HSD17B4: variants seen among roughly 807,000 people sequenced by gnomAD.
HSD17B4 encodes the protein hydroxysteroid 17-beta dehydrogenase 4.
A neutral mutation model predicts 101.0 loss-of-function variants in HSD17B4; 70 were observed. The ratio of observed to expected loss-of-function variants is 0.69; its 90% CI spans 0.57 to 0.85. The LOEUF is 0.85. HSD17B4 is among the 40% of genes least tolerant of loss of function. The probability of loss-of-function intolerance (pLI) is 0.00; values close to 1 mark genes in which losing one functional copy is unlikely to be tolerated. For missense variants in HSD17B4, 984 were observed against 892.4 expected, an observed-to-expected ratio of 1.10 and a Z score of -1.31; for synonymous variants, 347 against 297.1, an observed-to-expected ratio of 1.17 and a Z score of -1.73.
Position 119,525,803 on chromosome 5 carries a change from G to A in HSD17B4, c.1574-114G>A, listed in dbSNP as rs924610034. The A allele has an allele frequency of 9.6e-6, 7 of 731,334 alleles. No homozygotes were observed. The South Asian group carries it at 1.0e-4, about 11-fold the overall frequency. The allele number at this position is 731,334 out of a possible 1,614,324, so 45.3% of individuals were successfully genotyped here. A position where few individuals can be genotyped will look rare whatever the true frequency, so the allele number is the denominator to read the frequency against. ...TCTACTGTGTTTCTTAAAATAGATG[G>A]TATAATTCCTGCTAATGCAGTCTAA... On this transcript the variant is annotated intron_variant, in intron 18 of 23. Coordinates refer to ENST00000510025, the MANE Select transcript of HSD17B4 (RefSeq NM_000414.4).
intron 16 of HSD17B4, among the ~76,000 whole-genome samples, chr5:119,511,382 G>T (rs1433230131): frequency 6.6e-6 from 1 of 152,188 alleles, no homozygotes; most frequent in Non-Finnish European, 1.5e-5. Context: ...ACCAGGGAAA[G>T]AGATAGCTAA....
At chr5:119,503,676 C>T (rs1751394734) in intron 14 of HSD17B4, among the ~76,000 whole-genome samples, 2 of 151,614 alleles carry the variant, frequency 1.3e-5, no homozygotes, top group South Asian at 4.2e-4. Flanking sequence ...GGCTGACTTA[C>T]CCTAATCATG....
chr5:119,479,622 C>T (rs1561446194), intron 8 of HSD17B4, among the ~76,000 whole-genome samples: 2 of 152,168 alleles, frequency 1.3e-5, no homozygotes. Flanking sequence ...CCCTGTGCTT[C>T]ACCTGTTTGT....
chr5:119,477,663 G>C, intron 7 of HSD17B4, 162 bp downstream of exon 7: 1 of 642,062 alleles, frequency 1.6e-6, no homozygotes, highest in South Asian at 1.8e-5. Context: ...CATTAAATTG[G>C]TATAATTTAG....
At chr5:119,512,688 C>T (rs1191674109) in intron 16 of HSD17B4, among the ~76,000 whole-genome samples, 1 of 152,166 alleles carries the variant, frequency 6.6e-6, no homozygotes, top group Non-Finnish European at 1.5e-5. Context: ...TGTTAGCAGT[C>T]TTGCCTTATA....
chr5:119,510,720 C>T (rs999724396), intron 16 of HSD17B4, among the ~76,000 whole-genome samples: 1 of 152,202 alleles, frequency 6.6e-6, no homozygotes, highest in African/African-American at 2.4e-5. Context: ...GACTGTGTGG[C>T]ATTTGAGTCA....
intron 22 of HSD17B4, among the ~76,000 whole-genome samples, chr5:119,535,341 T>A (rs1482977919): frequency 6.6e-6 from 1 of 152,000 alleles, no homozygotes; most frequent in African/African-American, 2.4e-5. Flanking sequence ...TATTATTCAT[T>A]ACTAAAATGA....
intron 2 of HSD17B4, among the ~76,000 whole-genome samples, chr5:119,457,632 C>G (rs1754805866): frequency 6.6e-6 from 1 of 151,672 alleles, no homozygotes. Flanking sequence ...ATGTTGAGGC[C>G]TAAAGACACA....
At chr5:119,530,209 A>G in intron 21 of HSD17B4, 1 of 477,138 alleles carries the variant, frequency 2.1e-6, no homozygotes, top group South Asian at 2.9e-5. Flanking sequence ...TTTCAAGAGA[A>G]CATAATTTTC....
At chr5:119,520,699 A>G (rs552554831) in intron 17 of HSD17B4, among the ~76,000 whole-genome samples, 3 of 151,926 alleles carry the variant, frequency 2.0e-5, no homozygotes, top group East Asian at 1.9e-4. Context: ...TTTTCTTTAT[A>G]ATTTTTCTAG....
intron 15 of HSD17B4, among the ~76,000 whole-genome samples, chr5:119,507,512 G>A (rs995048440): frequency 2.6e-5 from 4 of 152,060 alleles, no homozygotes; most frequent in South Asian, 2.1e-4. Context: ...CGCTGGGTGC[G>A]GTGGCTCACG....
intron 17 of HSD17B4, among the ~76,000 whole-genome samples, chr5:119,523,864 G>C (rs542754245): frequency 6.6e-6 from 1 of 152,060 alleles, no homozygotes; most frequent in South Asian, 2.1e-4. Context: ...AGCAATTGAG[G>C]CTTCGAATGG....
At chr5:119,509,528 A>G in intron 16 of HSD17B4, 1 of 510,538 alleles carries the variant, frequency 2.0e-6, no homozygotes, top group Non-Finnish European at 3.6e-6. Context: ...GTTTTTCATG[A>G]CATTTTATTT....
chr5:119,508,645 T>C (rs1378266649), intron 15 of HSD17B4, among the ~76,000 whole-genome samples: 3 of 152,232 alleles, frequency 2.0e-5, no homozygotes, highest in Admixed American at 6.5e-5. Flanking sequence ...GGTGCCTTTT[T>C]TTCTGTACAG....
At chr5:119,516,699 A>G (rs1476365155) in intron 17 of HSD17B4, among the ~76,000 whole-genome samples, 2 of 152,218 alleles carry the variant, frequency 1.3e-5, no homozygotes, top group Non-Finnish European at 2.9e-5. Flanking sequence ...TTTGTGGGAC[A>G]TTTGAAATTG....
chr5:119,525,357 C>G, intron 18 of HSD17B4, 72 bp downstream of exon 18: 1 of 927,824 alleles, frequency 1.1e-6, no homozygotes, highest in South Asian at 1.3e-5. Flanking sequence ...TGTAAAGACA[C>G]TACTACTTAT....
At chr5:119,497,568 G>T (rs1235187358) in intron 12 of HSD17B4, among the ~76,000 whole-genome samples, 2 of 152,140 alleles carry the variant, frequency 1.3e-5, no homozygotes, top group Non-Finnish European at 2.9e-5. Context: ...ATGCTCCCAG[G>T]TTCTTTGTTG....
chr5:119,507,546 G>C (rs1751767020), intron 15 of HSD17B4, among the ~76,000 whole-genome samples: 1 of 152,142 alleles, frequency 6.6e-6, no homozygotes, highest in Non-Finnish European at 1.5e-5. Context: ...CACTTTGGGA[G>C]GCTGAGGCGG....
At chr5:119,471,785 AT>A in intron 2 of HSD17B4, 2 of 698,976 alleles carry the variant, frequency 2.9e-6, no homozygotes, top group East Asian at 2.8e-5. Context: ...TATTTTGTAA[AT>A]TTTTTCATAA....
Sources: gnomAD v4.1 joint callset for allele counts (sites outside exome capture counted in the v4.1 genomes callset) on GRCh38, gnomAD v4.1.1 for gene constraint, MANE v1.5 for transcripts, NCBI Gene and HGNC (gene_info 2026-07-23, HGNC 2026-07-21) for gene names.